CADM2: variants seen among roughly 807,000 people sequenced by gnomAD.
The protein encoded by CADM2 is cell adhesion molecule 2.
Under a neutral mutation model 49.8 loss-of-function variants are expected in CADM2, and 12 were observed. That is an observed-to-expected ratio of 0.24 (90% CI 0.15 to 0.39). CADM2 has a LOEUF of 0.39. Ranked by LOEUF, CADM2 falls within the 10% of genes least tolerant of loss-of-function variation. The pLI is 1.00. For missense variants in CADM2, 378 were observed against 492.3 expected (o/e 0.77, Z 2.20); for synonymous variants, 214 against 175.4 (o/e 1.22, Z -1.74).
Position 85,502,118 on chromosome 3 carries a change from A to G in CADM2, c.62-224404A>G, listed in dbSNP as rs376991575. On this transcript the variant is annotated intron_variant, in intron 1 of 9. Coordinates refer to ENST00000383699, the MANE Select transcript of CADM2 (RefSeq NM_001167675.2). ...AACTTTATTAAAAATGGCTTAAAGT[A>G]AAGGATACACGGAGTAAGTAATTGA... 5.9e-5 allele frequency among the ~76,000 whole-genome samples: 9 copies of G among 152,324 alleles called. No homozygotes were observed. In the East Asian group the frequency reaches 1.7e-3, roughly 29 times the overall value.
intron 1 of CADM2, among the ~76,000 whole-genome samples, chr3:85,631,122 T>C (rs2064292914): frequency 1.3e-5 from 2 of 152,044 alleles, no homozygotes; most frequent in South Asian, 4.1e-4. Flanking sequence ...GTTCTTTGGG[T>C]AGTGACCACT....
At chr3:85,605,736 G>C (rs1282009025) in intron 1 of CADM2, among the ~76,000 whole-genome samples, 1 of 152,140 alleles carries the variant, frequency 6.6e-6, no homozygotes, top group Non-Finnish European at 1.5e-5. Context: ...TTTGTCTTTT[G>C]ACACATCTTT....
chr3:85,302,285 G>A (rs572297852), intron 1 of CADM2, among the ~76,000 whole-genome samples: 1 of 152,032 alleles, frequency 6.6e-6, no homozygotes, highest in African/African-American at 2.4e-5. Flanking sequence ...TAACACTTCA[G>A]CCTCTTTCCA....
At chr3:85,866,866 A>T (rs987666198) in intron 3 of CADM2, among the ~76,000 whole-genome samples, 1 of 152,074 alleles carries the variant, frequency 6.6e-6, no homozygotes, top group Non-Finnish European at 1.5e-5. Context: ...TAACACATAC[A>T]CACATGCACA....
At chr3:85,598,855 GTA>G (rs548323149) in intron 1 of CADM2, among the ~76,000 whole-genome samples, 3,289 of 46,104 alleles carry the variant, frequency 0.071, 42 homozygotes, top group Middle Eastern at 0.16. Flanking sequence ...GTGTGTGTGT[GTA>G]TATATATATA....
chr3:86,074,093 G>A lies in CADM2; in HGVS notation c.*7310G>A, dbSNP rs1321482841. The A allele has an allele frequency of 6.6e-6, 1 of 151,906 alleles. No homozygotes were observed. The highest frequency in any genetic ancestry group is 1.5e-5 in the Non-Finnish European group (1 of 67,860). The allele number at this position is 151,906 out of a possible 1,614,324, so 9.4% of individuals were successfully genotyped here. On this transcript the variant is annotated 3_prime_UTR_variant, in exon 10 of 10. Transcript: ENST00000383699. ...ACTTATGTGTGTTTACTAATGTTGA[G>A]TAGGAACAGAAGCAAAAATACCTAA...
At chr3:85,534,462 G>A (rs2061384192) in intron 1 of CADM2, among the ~76,000 whole-genome samples, 1 of 152,182 alleles carries the variant, frequency 6.6e-6, no homozygotes, top group Admixed American at 6.5e-5. Flanking sequence ...TAGAGATGAT[G>A]TTGGTAAGTT....
At chr3:85,553,278 CTCTAGA>C in intron 1 of CADM2, among the ~76,000 whole-genome samples, 1 of 93,422 alleles carries the variant, frequency 1.1e-5, no homozygotes, top group Admixed American at 1.4e-4. Context: ...ATATCAGGTA[CTCTAGA>C]TCTAGTTTAT....
intron 7 of CADM2, among the ~76,000 whole-genome samples, chr3:85,951,715 C>G (rs1044583159): frequency 3.3e-5 from 5 of 150,946 alleles, no homozygotes; most frequent in Non-Finnish European, 7.4e-5. Context: ...TGCCTTTGTC[C>G]TTGCTCTTCA....
At chr3:85,611,488 G>T (rs2063681210) in intron 1 of CADM2, among the ~76,000 whole-genome samples, 1 of 151,874 alleles carries the variant, frequency 6.6e-6, no homozygotes, top group Non-Finnish European at 1.5e-5. Flanking sequence ...CACCACCCCT[G>T]CCTCAAGTTG....
At chr3:85,794,817 C>A (rs114827754) in intron 2 of CADM2, among the ~76,000 whole-genome samples, 2 of 152,014 alleles carry the variant, frequency 1.3e-5, no homozygotes, top group Non-Finnish European at 2.9e-5. Context: ...AATTACTTTG[C>A]GGACTCCTTA....
rs534318052 is a variant in CADM2, at chr3:85,822,400, A to G, written c.238+20204A>G. On this transcript the variant is annotated intron_variant, in intron 3 of 9. Coordinates refer to ENST00000383699, the MANE Select transcript of CADM2 (RefSeq NM_001167675.2). The stretch of plus-strand genomic sequence containing the variant: ...GGAGTTCAAGACCAGCCTGGCCAAC[A>G]TGATGAAACCCCGTCTTTACTAAAA... Among the ~76,000 whole-genome samples the G allele has an allele frequency of 2.5e-3, 386 of 152,214 alleles. 1 individual carries two copies. Among genetic ancestry groups the G allele is most frequent in the African/African-American group, 9.0e-3 (373 of 41,562 alleles).
intron 1 of CADM2, among the ~76,000 whole-genome samples, chr3:85,131,318 G>A (rs1303078431): frequency 6.6e-6 from 1 of 152,216 alleles, no homozygotes; most frequent in Non-Finnish European, 1.5e-5. Context: ...GTGATTGACA[G>A]ATAGATAGGA....
intron 1 of CADM2, among the ~76,000 whole-genome samples, chr3:85,714,672 C>T (rs189594499): frequency 5.3e-5 from 8 of 152,086 alleles, no homozygotes; most frequent in Non-Finnish European, 8.8e-5. Context: ...CCTCGTGATC[C>T]GCCCGCCTCA....
At chr3:85,335,399 G>C (rs1468368249) in intron 1 of CADM2, among the ~76,000 whole-genome samples, 1 of 151,292 alleles carries the variant, frequency 6.6e-6, no homozygotes, top group Non-Finnish European at 1.5e-5. Flanking sequence ...TTCTCTTCTT[G>C]TCAAGGGTCA....
At chr3:85,253,390 T>C (rs2042817032) in intron 1 of CADM2, among the ~76,000 whole-genome samples, 1 of 152,090 alleles carries the variant, frequency 6.6e-6, no homozygotes, top group African/African-American at 2.4e-5. Context: ...CTTAGTTTCT[T>C]GATGATCACT....
intron 1 of CADM2, among the ~76,000 whole-genome samples, chr3:84,968,890 T>C (rs2107077808): frequency 6.6e-6 from 1 of 152,190 alleles, no homozygotes; most frequent in African/African-American, 2.4e-5. Context: ...GACTGCCAAA[T>C]ATCAGTGCAT....
At chr3:85,927,632 C>T (rs1720044405) in intron 6 of CADM2, among the ~76,000 whole-genome samples, 1 of 152,066 alleles carries the variant, frequency 6.6e-6, no homozygotes, top group South Asian at 2.1e-4. Context: ...GTAATATAAG[C>T]AATGCAAATG....
chr3:85,087,778 G>A (rs1054128438), intron 1 of CADM2, among the ~76,000 whole-genome samples: 1 of 152,056 alleles, frequency 6.6e-6, no homozygotes, highest in Admixed American at 6.6e-5. Context: ...GAAATTCTAT[G>A]TGTCTGCATA....
Sources: allele counts gnomAD v4.1 joint callset (sites outside exome capture counted in the v4.1 genomes callset), GRCh38; gene constraint gnomAD v4.1.1; transcripts MANE v1.5; gene names NCBI Gene and HGNC (gene_info 2026-07-23, HGNC 2026-07-21).